The following ADCY7 variants were observed in gnomAD, a reference collection of about 807,000 sequenced individuals.
The protein encoded by ADCY7 is adenylate cyclase type 7.
ADCY7 carries 72 observed loss-of-function variants against 120.6 expected under a neutral mutation model. That is an observed-to-expected ratio of 0.60 (90% CI 0.49 to 0.73). The LOEUF (loss-of-function observed/expected upper bound fraction) is 0.73. Among genes scored for constraint, ADCY7 ranks in the 30% least tolerant of loss-of-function variants. The probability of loss-of-function intolerance (pLI) is 0.00; values close to 1 mark genes in which losing one functional copy is unlikely to be tolerated. For missense variants in ADCY7, 1,227 were observed against 1,486.0 expected (o/e 0.83, Z 2.87); for synonymous variants, 661 against 628.0 (o/e 1.05, Z -0.78).
chr16:50,290,995 C>T (rs2034915804), intron 3 of ADCY7, among the ~76,000 whole-genome samples: 1 of 152,168 alleles, frequency 6.6e-6, no homozygotes, highest in Admixed American at 6.5e-5. Flanking sequence ...GGAACTGGGG[C>T]CTCTGGACAG....
chr16:50,302,639 G>A (rs1431774728), intron 10 of ADCY7, among the ~76,000 whole-genome samples: 2 of 151,350 alleles, frequency 1.3e-5, no homozygotes, highest in African/African-American at 4.9e-5. Flanking sequence ...TGTGAAGGGC[G>A]TGTTGTAGAA....
At chr16:50,280,698 T>G (rs1349071312) in intron 1 of ADCY7, among the ~76,000 whole-genome samples, 9 of 152,190 alleles carry the variant, frequency 5.9e-5, no homozygotes, top group African/African-American at 1.9e-4. Context: ...GCCTTTTCCC[T>G]CAGTTTTTCT....
In ADCY7 at chr16:50,273,917, T is replaced by C. The variant is rs1237385893; in HGVS notation, c.-269+7237T>C. Among the ~76,000 whole-genome samples the C allele has an allele frequency of 5.3e-5, 8 of 152,256 alleles. No individual in the cohort carries two copies. In the East Asian group the frequency reaches 1.5e-3, roughly 29 times the overall value. On this transcript the variant is annotated intron_variant, in intron 1 of 25. Coordinates refer to ENST00000673801, the MANE Select transcript of ADCY7 (RefSeq NM_001114.5). ...GGTAGTGACAGGTCAGGGTAGCCTG[T>C]GCTTCTGTGGGAGGTGCAGGCCCTG... is the stretch of plus-strand genomic sequence containing the variant.
intron 1 of ADCY7, among the ~76,000 whole-genome samples, chr16:50,267,934 A>G (rs1426649136): frequency 6.6e-6 from 1 of 151,494 alleles, no homozygotes; most frequent in East Asian, 2.0e-4. Flanking sequence ...CTGTCTTCCC[A>G]CCTCCAGAGG....
chr16:50,269,312 G>A (rs1354292887), intron 1 of ADCY7, among the ~76,000 whole-genome samples: 1 of 152,228 alleles, frequency 6.6e-6, no homozygotes, highest in Non-Finnish European at 1.5e-5. Flanking sequence ...TGGAGTCAGG[G>A]CCAGCACACT....
chr16:50,248,147 C>A (rs1374727132), intron 1 of ADCY7, among the ~76,000 whole-genome samples: 1 of 152,210 alleles, frequency 6.6e-6, no homozygotes, highest in Non-Finnish European at 1.5e-5. Context: ...CGAGCCTGAG[C>A]TCCATCCCTA....
At chr16:50,275,564 C>A (rs1300544037) in intron 1 of ADCY7, among the ~76,000 whole-genome samples, 1 of 152,234 alleles carries the variant, frequency 6.6e-6, no homozygotes. Flanking sequence ...TTCTTTCCTG[C>A]AGGACTTGTC....
chr16:50,288,347 G>C lies in ADCY7; in HGVS notation c.168G>C (p.Gln56His). ...CCCTCATCATCATTGCCTTCAGCCA[G>C]GGGGTGAGTGAGGGCAGCCCCTGGG... ...CVALIIIAFS[Q>H]GDPSRHQAIL... Residue 56 changes from glutamine (Q) to histidine (H), a missense_variant, in exon 2 of 26, where the codon CAG becomes CAC. Transcript: ENST00000673801. 1 of 1,543,670 alleles carries C rather than the reference G, an allele frequency of 6.5e-7. No individual in the cohort carries two copies. Among genetic ancestry groups the C allele is most frequent in the Non-Finnish European group, 8.8e-7 (1 of 1,141,878 alleles).
chr16:50,259,026 G>A (rs2032992219), intron 1 of ADCY7, among the ~76,000 whole-genome samples: 1 of 152,050 alleles, frequency 6.6e-6, no homozygotes, highest in Non-Finnish European at 1.5e-5. Context: ...GCTTTTTCTT[G>A]ATTGTAGCTG....
rs148432630 is a variant in ADCY7 at position 50,312,288 on chromosome 16, G to A, written c.2604+97G>A. ...TGGAGCTGGAGTGCATGCTGAGCTT[G>A]GCTTCCTCAGGTCCTGGCCTCACCG... On this transcript the variant is annotated intron_variant, in intron 21 of 25. Transcript: ENST00000673801. The A allele has an allele frequency of 7.3e-5, 102 of 1,390,414 alleles. 1 individual carries two copies. In the South Asian group the frequency reaches 1.2e-3, roughly 17 times the overall value. The allele number at this position is 1,390,414 out of a possible 1,614,324, so 86.1% of individuals were successfully genotyped here.
At chr16:50,310,510 A>G (rs993716134) in intron 18 of ADCY7, 177 bp from the exon 19 acceptor site, 1 of 1,538,626 alleles carries the variant, frequency 6.5e-7, no homozygotes, top group Non-Finnish European at 8.7e-7. Context: ...AAATAAAACT[A>G]CAGTGAAAAC....
At chr16:50,315,209 T>G (rs1049746695) in intron 25 of ADCY7, 71 bp downstream of exon 25, 1 of 1,588,872 alleles carries the variant, frequency 6.3e-7, no homozygotes, top group Non-Finnish European at 8.6e-7. Flanking sequence ...GACTTGGACT[T>G]AAGAGCTGCT....
chr16:50,296,634 G>T (rs1297005093), intron 7 of ADCY7, among the ~76,000 whole-genome samples: 1 of 152,104 alleles, frequency 6.6e-6, no homozygotes, highest in Non-Finnish European at 1.5e-5. Context: ...GGGATTACAG[G>T]TGTGAGCCAC....
chr16:50,282,180 T>C (rs2034314390), intron 1 of ADCY7, among the ~76,000 whole-genome samples: 2 of 152,150 alleles, frequency 1.3e-5, no homozygotes, highest in African/African-American at 4.8e-5. Context: ...CTGCCAACAG[T>C]GGCCGGGTGA....
intron 10 of ADCY7, among the ~76,000 whole-genome samples, chr16:50,303,244 G>T (rs1376523729): frequency 6.6e-6 from 1 of 152,200 alleles, no homozygotes; most frequent in Non-Finnish European, 1.5e-5. Context: ...CGCTCTTCCT[G>T]CTCTGGGACA....
chr16:50,255,390 ACT>A (rs1389120224), intron 1 of ADCY7, among the ~76,000 whole-genome samples: 3 of 109,352 alleles, frequency 2.7e-5, no homozygotes, highest in African/African-American at 1.1e-4. Flanking sequence ...GGCCCATAAG[ACT>A]CTGTTTCTGG....
intron 1 of ADCY7, among the ~76,000 whole-genome samples, chr16:50,255,324 T>A (rs2032879909): frequency 6.9e-6 from 1 of 145,732 alleles, no homozygotes; most frequent in African/African-American, 2.5e-5. Context: ...AATTTCTTTT[T>A]TATAGAGATA....
chr16:50,276,505 G>A (rs1381808613), intron 1 of ADCY7, among the ~76,000 whole-genome samples: 1 of 152,220 alleles, frequency 6.6e-6, no homozygotes, highest in East Asian at 1.9e-4. Context: ...AAAATCCTGT[G>A]GGGTAGGACT....
chr16:50,313,902 A>AG, intron 22 of ADCY7, 56 bp from the exon 23 acceptor site: 2 of 1,475,096 alleles, frequency 1.4e-6, no homozygotes, highest in Non-Finnish European at 1.9e-6. Flanking sequence ...AAGCAGGGGC[A>AG]GCCTGGCTGC....
Sources: allele counts gnomAD v4.1 joint callset (sites outside exome capture counted in the v4.1 genomes callset), GRCh38; gene constraint gnomAD v4.1.1; transcripts MANE v1.5; gene names NCBI Gene and HGNC (gene_info 2026-07-23, HGNC 2026-07-21).